The following CSMD1 variants were observed in gnomAD, a reference collection of about 807,000 sequenced individuals.
CSMD1 encodes CUB and Sushi multiple domains 1, also known as CUB and sushi domain-containing protein 1.
CSMD1 carries 213 observed loss-of-function variants against 417.5 expected under a neutral mutation model. That is an observed-to-expected ratio of 0.51 (90% CI 0.46 to 0.57). The LOEUF (loss-of-function observed/expected upper bound fraction) is 0.57. Ranked by LOEUF, CSMD1 falls within the 20% of genes least tolerant of loss-of-function variation. CSMD1 has a pLI of 0.00. For missense variants in CSMD1, 6,923 were observed against 4,529.7 expected (o/e 1.53, Z -15.17); for synonymous variants, 2,862 against 1,736.8 (o/e 1.65, Z -16.11).
intron 1 of CSMD1, among the ~76,000 whole-genome samples, chr8:4,656,840 T>C (rs1165127546): frequency 6.6e-6 from 1 of 151,964 alleles, no homozygotes; most frequent in Non-Finnish European, 1.5e-5. Context: ...AGAAACCACA[T>C]TTACTAATGT....
At chr8:3,076,103 G>T (rs796829116) in intron 49 of CSMD1, among the ~76,000 whole-genome samples, 7 of 151,828 alleles carry the variant, frequency 4.6e-5, no homozygotes, top group African/African-American at 1.7e-4. Flanking sequence ...TTAAAAGTTT[G>T]TGTCTGTATT....
chr8:3,551,596 A>ATT (rs1194152215), intron 10 of CSMD1, among the ~76,000 whole-genome samples: 39 of 113,418 alleles, frequency 3.4e-4, no homozygotes, highest in African/African-American at 5.7e-4. Context: ...ATATATATAT[A>ATT]TTTTTTTTTT....
chr8:4,139,881 C>T lies in CSMD1; in HGVS notation c.416-107782G>A, dbSNP rs1037543670. On this transcript the variant is annotated intron_variant, in intron 3 of 69. Transcript: ENST00000635120. ...GGAAATTTTAGATCAGCATGTTCAT[C>T]AGAAGCAAGGGTGGAAGGGAGGACA... Among the ~76,000 whole-genome samples the T allele has an allele frequency of 3.3e-5, 5 of 150,840 alleles. No homozygotes were observed. The East Asian group carries it at 9.7e-4, about 29-fold the overall frequency.
intron 2 of CSMD1, among the ~76,000 whole-genome samples, chr8:4,485,839 C>A (rs538097869): frequency 6.6e-6 from 1 of 151,904 alleles, no homozygotes; most frequent in East Asian, 1.9e-4. Context: ...AACATATAAA[C>A]GCAAATGTCA....
At chr8:4,726,301 G>C (rs1419156621) in intron 1 of CSMD1, among the ~76,000 whole-genome samples, 3 of 151,642 alleles carry the variant, frequency 2.0e-5, no homozygotes, top group Non-Finnish European at 4.4e-5. Context: ...CGACTAAGTG[G>C]GTAGCGGGTT....
intron 8 of CSMD1, among the ~76,000 whole-genome samples, chr8:3,586,471 G>T (rs1222774723): frequency 6.6e-6 from 1 of 152,124 alleles, no homozygotes. Context: ...GATTCCTGTT[G>T]TGCCAGCTTC....
intron 5 of CSMD1, among the ~76,000 whole-genome samples, chr8:3,883,631 A>G (rs1806359719): frequency 6.6e-6 from 1 of 152,174 alleles, no homozygotes; most frequent in Non-Finnish European, 1.5e-5. Context: ...ATCAATTATT[A>G]AAATTGATAT....
At chr8:4,461,943 A>G (rs949219082) in intron 2 of CSMD1, among the ~76,000 whole-genome samples, 12 of 151,846 alleles carry the variant, frequency 7.9e-5, no homozygotes, top group Admixed American at 1.3e-4. Flanking sequence ...GGGTTTCATC[A>G]TGTTAGCCAG....
chr8:4,232,319 C>T (rs974790910), intron 3 of CSMD1, among the ~76,000 whole-genome samples: 4 of 152,112 alleles, frequency 2.6e-5, no homozygotes, highest in Non-Finnish European at 5.9e-5. Flanking sequence ...CTGTCTCAGC[C>T]TCCCTAGTAC....
At chr8:4,360,702 C>G (rs1487854515) in intron 3 of CSMD1, among the ~76,000 whole-genome samples, 2 of 152,070 alleles carry the variant, frequency 1.3e-5, no homozygotes, top group South Asian at 4.2e-4. Flanking sequence ...AACATCTTAG[C>G]CAGGATGGTC....
At chr8:3,317,791 G>C (rs1330764867) in intron 23 of CSMD1, among the ~76,000 whole-genome samples, 3 of 152,094 alleles carry the variant, frequency 2.0e-5, no homozygotes, top group Admixed American at 6.6e-5. Context: ...GTAAAATAAA[G>C]TTGCTACTGT....
chr8:3,738,962 G>C (rs1796662431), intron 6 of CSMD1, among the ~76,000 whole-genome samples: 1 of 152,112 alleles, frequency 6.6e-6, no homozygotes, highest in Non-Finnish European at 1.5e-5. Flanking sequence ...GCACAAAAAG[G>C]TGTGTTCAAA....
At position 4,751,555 on chromosome 8, in the gene CSMD1, G is replaced by A. The variant is rs535937010; in HGVS notation, c.86-113997C>T. Among the ~76,000 whole-genome samples, 3 of 152,204 alleles carry A rather than the reference G, an allele frequency of 2.0e-5. No homozygotes were observed. In the South Asian group the frequency reaches 6.2e-4, roughly 32 times the overall value. ...TATCCCTTTAATTCCAAGATTTTATGATCCTAATAGCTTAATCTCACCTAC... is the reference window on the plus strand; with the variant it reads ...TATCCCTTTAATTCCAAGATTTTATAATCCTAATAGCTTAATCTCACCTAC... On this transcript the variant is annotated intron_variant, in intron 1 of 69. Coordinates refer to ENST00000635120, the MANE Select transcript of CSMD1 (RefSeq NM_033225.6).
chr8:4,175,577 A>T (rs568908037), intron 3 of CSMD1, among the ~76,000 whole-genome samples: 2 of 152,164 alleles, frequency 1.3e-5, no homozygotes, highest in Admixed American at 6.5e-5. Context: ...TTTGAAAGGT[A>T]TATTAGGAGA....
intron 5 of CSMD1, among the ~76,000 whole-genome samples, chr8:3,876,743 G>C (rs747571989): frequency 6.6e-6 from 1 of 152,136 alleles, no homozygotes; most frequent in Non-Finnish European, 1.5e-5. Context: ...CTGAGTACCT[G>C]GAAGCACAGG....
At chr8:3,394,012 T>TAAATTTTA (rs1554536992) in intron 17 of CSMD1, among the ~76,000 whole-genome samples, 1,424 of 30,710 alleles carry the variant, frequency 0.046, 23 homozygotes, top group Non-Finnish European at 0.053. Flanking sequence ...AAAAAATAAA[T>TAAATTTTA]TATATATATA....
chr8:3,756,283 G>A (rs905006149), intron 5 of CSMD1, among the ~76,000 whole-genome samples: 6 of 151,066 alleles, frequency 4.0e-5, no homozygotes, highest in Non-Finnish European at 5.9e-5. Flanking sequence ...AACCTGGGAG[G>A]CAGAGCTTGC....
chr8:3,503,988 G>C (rs1161500830), intron 10 of CSMD1, among the ~76,000 whole-genome samples: 1 of 152,240 alleles, frequency 6.6e-6, no homozygotes, highest in African/African-American at 2.4e-5. Flanking sequence ...GGGTATGAAA[G>C]TCCAGCTAGA....
intron 2 of CSMD1, among the ~76,000 whole-genome samples, chr8:4,539,495 C>G (rs1563268876): frequency 6.6e-6 from 1 of 152,118 alleles, no homozygotes; most frequent in Non-Finnish European, 1.5e-5. Context: ...TATCTTTCCC[C>G]CAAAATCCTC....
Sources: allele counts gnomAD v4.1 joint callset (sites outside exome capture counted in the v4.1 genomes callset), GRCh38; gene constraint gnomAD v4.1.1; transcripts MANE v1.5; gene names NCBI Gene and HGNC (gene_info 2026-07-23, HGNC 2026-07-21).